CCDC102B: variants seen among roughly 807,000 people sequenced by gnomAD.
CCDC102B encodes the protein coiled-coil domain-containing protein 102B.
CCDC102B carries 75 observed loss-of-function variants against 57.4 expected under a neutral mutation model. That is an observed-to-expected ratio of 1.31 (90% CI 1.08 to 1.58). The LOEUF (loss-of-function observed/expected upper bound fraction) is 1.58. Ranked by LOEUF, CCDC102B falls within the 40% of genes most tolerant of loss-of-function variation. The pLI is 0.00. For missense variants in CCDC102B, 636 were observed against 582.6 expected (o/e 1.09, Z -0.94); for synonymous variants, 206 against 201.9 (o/e 1.02, Z -0.17).
chr18:68,820,524 G>A (rs1209214344), intron 1 of CCDC102B, among the ~76,000 whole-genome samples: 2 of 151,950 alleles, frequency 1.3e-5, no homozygotes, highest in Non-Finnish European at 2.9e-5. Flanking sequence ...TGTTATCAGG[G>A]TTTTATTGAC....
At chr18:68,734,902 G>C (rs1555695369) in intron 2 of CCDC102B, 1 of 151,878 alleles carries the variant, frequency 6.6e-6, no homozygotes, top group Non-Finnish European at 1.5e-5. Context: ...AATACTTTAG[G>C]GTTTCATTTG....
chr18:69,046,265 A>C (rs2052564381), intron 7 of CCDC102B, among the ~76,000 whole-genome samples: 2 of 152,086 alleles, frequency 1.3e-5, no homozygotes, highest in South Asian at 4.1e-4. Flanking sequence ...AGCATCTATT[A>C]TTTTTTGACT....
chr18:68,947,454 A>C (rs558162846), intron 6 of CCDC102B, among the ~76,000 whole-genome samples: 32 of 152,234 alleles, frequency 2.1e-4, no homozygotes, highest in Non-Finnish European at 3.5e-4. Context: ...CTTTATGTTA[A>C]AAATGAGGAA....
chr18:68,826,440 G>A (rs1050144242), intron 1 of CCDC102B, among the ~76,000 whole-genome samples: 4 of 152,220 alleles, frequency 2.6e-5, no homozygotes, highest in Admixed American at 2.6e-4. Context: ...AAGAGAGAAG[G>A]CAATAAAAAG....
intron 5 of CCDC102B, among the ~76,000 whole-genome samples, chr18:68,880,290 T>C (rs2039639761): frequency 1.3e-5 from 2 of 151,986 alleles, no homozygotes; most frequent in South Asian, 4.2e-4. Context: ...CTGCTCCGAG[T>C]GCGGGGCCCA....
At chr18:68,897,814 T>C in intron 6 of CCDC102B, 1 of 354,506 alleles carries the variant, frequency 2.8e-6, no homozygotes, top group South Asian at 2.4e-5. Flanking sequence ...CATTTGCTGG[T>C]AGCTATGGTA....
At position 68,737,415 on chromosome 18, in the gene CCDC102B, C is replaced by T. The variant is rs184366056; in HGVS notation, c.-67+20821C>T. Among the ~76,000 whole-genome samples the T allele has an allele frequency of 3.3e-5, 5 of 149,992 alleles. No homozygotes were observed. In the East Asian group the frequency reaches 6.0e-4, roughly 18 times the overall value. On this transcript the variant is annotated intron_variant, in intron 2 of 3. Transcript: ENST00000578970. ...ACCCAAGATCTCCCTTCTCCACCAG[C>T]GTTATAGATTCTCCTCCCCATTGAC... is the stretch of plus-strand genomic sequence containing the variant.
chr18:68,976,760 G>A (rs1021260894), intron 6 of CCDC102B, among the ~76,000 whole-genome samples: 2 of 151,890 alleles, frequency 1.3e-5, no homozygotes, highest in African/African-American at 4.8e-5. Flanking sequence ...GTAGTTGAAT[G>A]CATAGAATTA....
rs945576179 is a variant in CCDC102B at position 68,875,157 on chromosome 18, A to G, written c.1053+372A>G. On this transcript the variant is annotated intron_variant, in intron 5 of 7. Coordinates refer to ENST00000360242, the MANE Select transcript of CCDC102B (RefSeq NM_024781.3). The stretch of plus-strand genomic sequence containing the variant: ...TCATGCAATTTCTGGTGGAATTAAC[A>G]TTGCTATTGGAAGCTAACAACAGTG... Among the ~76,000 whole-genome samples, 4 of 152,282 alleles carry G rather than the reference A, an allele frequency of 2.6e-5. No homozygotes were observed. In the East Asian group the frequency reaches 7.7e-4, roughly 29 times the overall value.
At chr18:68,847,319 A>G (rs1033549843) in intron 4 of CCDC102B, among the ~76,000 whole-genome samples, 1 of 151,762 alleles carries the variant, frequency 6.6e-6, no homozygotes, top group Non-Finnish European at 1.5e-5. Context: ...ACACAAAAAC[A>G]CATTATGTTT....
intron 6 of CCDC102B, among the ~76,000 whole-genome samples, chr18:68,917,431 A>T (rs895501806): frequency 6.6e-6 from 1 of 152,138 alleles, no homozygotes; most frequent in Admixed American, 6.6e-5. Flanking sequence ...GAGTCTTGCG[A>T]TCTCTGAAAT....
At chr18:68,950,849 A>T (rs1281502502) in intron 6 of CCDC102B, among the ~76,000 whole-genome samples, 1 of 152,108 alleles carries the variant, frequency 6.6e-6, no homozygotes, top group East Asian at 1.9e-4. Flanking sequence ...AACAAACTTT[A>T]AAGTGGTATT....
At chr18:68,743,372 C>A (rs2033483271) in intron 2 of CCDC102B, among the ~76,000 whole-genome samples, 1 of 152,140 alleles carries the variant, frequency 6.6e-6, no homozygotes, top group African/African-American at 2.4e-5. Flanking sequence ...CGTGCCACTG[C>A]ACTCCAGACT....
intron 2 of CCDC102B, chr18:68,753,036 T>G (rs2033921099): frequency 6.6e-6 from 1 of 152,132 alleles, no homozygotes; most frequent in Non-Finnish European, 1.5e-5. Flanking sequence ...ATTTTCCCTC[T>G]GCTTGTTCTG....
chr18:68,953,139 T>G (rs891082319), intron 6 of CCDC102B, among the ~76,000 whole-genome samples: 1 of 152,114 alleles, frequency 6.6e-6, no homozygotes, highest in Admixed American at 6.6e-5. Flanking sequence ...GATGATTATA[T>G]TTTTACAAAT....
At chr18:68,839,069 T>C (rs2037512306) in intron 3 of CCDC102B, 143 bp downstream of exon 3, 1 of 697,550 alleles carries the variant, frequency 1.4e-6, no homozygotes, top group Non-Finnish European at 2.5e-6. Context: ...ATTAGTTTGA[T>C]ATATATTCAT....
chr18:69,033,412 A>G (rs12960609), intron 7 of CCDC102B, among the ~76,000 whole-genome samples: 125,394 of 152,112 alleles, frequency 0.82, 53,881 homozygotes, highest in Non-Finnish European at 0.95. Flanking sequence ...TCATCTCAAA[A>G]AGGAAAGCCT....
At chr18:68,765,283 GAAAA>G (rs1465123239) in intron 2 of CCDC102B, among the ~76,000 whole-genome samples, 2 of 131,670 alleles carry the variant, frequency 1.5e-5, no homozygotes, top group East Asian at 2.2e-4. Context: ...GAGAAAGAAA[GAAAA>G]GAAAGAAAGG....
chr18:68,808,061 C>A (rs2036096407), intron 1 of CCDC102B, among the ~76,000 whole-genome samples: 1 of 152,088 alleles, frequency 6.6e-6, no homozygotes, highest in Admixed American at 6.6e-5. Flanking sequence ...ACAAACTCAT[C>A]TATAAGTTTC....
Sources: allele counts gnomAD v4.1 joint callset (sites outside exome capture counted in the v4.1 genomes callset), GRCh38; gene constraint gnomAD v4.1.1; transcripts MANE v1.5; gene names NCBI Gene and HGNC (gene_info 2026-07-23, HGNC 2026-07-21).